Variants in SUSD4 observed in about 807,000 individuals in gnomAD.
SUSD4 encodes sushi domain containing 4, also known as sushi domain-containing protein 4.
A neutral mutation model predicts 50.5 loss-of-function variants in SUSD4; 41 were observed. That is an observed-to-expected ratio of 0.81 (90% CI 0.63 to 1.05). The LOEUF is 1.05. Among genes scored for constraint, SUSD4 ranks in the 50% least tolerant of loss-of-function variants. The pLI is 0.00. For missense variants in SUSD4, 580 were observed against 634.7 expected (o/e 0.91, Z 0.93); for synonymous variants, 257 against 257.3 (o/e 1.00, Z 0.01).
At position 223,332,207 on chromosome 1, in the gene SUSD4, C is replaced by A. The variant is rs1667214076; in HGVS notation, c.148+31071G>T. 6.6e-6 allele frequency among the ~76,000 whole-genome samples: 1 copy of A among 152,150 alleles called. No individual in the cohort carries two copies. Among genetic ancestry groups the A allele is most frequent in the South Asian group, 2.1e-4 (1 of 4,824 alleles). On this transcript the variant is annotated intron_variant, in intron 2 of 8. Coordinates refer to ENST00000366878, the MANE Select transcript of SUSD4 (RefSeq NM_017982.4). The surrounding 1 kb of genome is among the most constrained non-coding windows in gnomAD (Gnocchi z 4.0). Reference sequence around the variant, plus strand: ...AATGCTCTGTGTAGCCATAAAATACCTAAGATGTGGTTCATAAAATATTTG... The same window carrying A: ...AATGCTCTGTGTAGCCATAAAATACATAAGATGTGGTTCATAAAATATTTG...
intron 2 of SUSD4, among the ~76,000 whole-genome samples, chr1:223,319,816 G>A (rs1187720881): frequency 2.0e-5 from 3 of 152,200 alleles, no homozygotes; most frequent in African/African-American, 7.2e-5. Context: ...GTAATGCTTA[G>A]GAGCATGCTT....
At chr1:223,277,715 G>A (rs1663381849) in intron 3 of SUSD4, among the ~76,000 whole-genome samples, 1 of 152,158 alleles carries the variant, frequency 6.6e-6, no homozygotes, top group Non-Finnish European at 1.5e-5. Context: ...TCAAGACACT[G>A]GTCTAATTCC....
At chr1:223,266,443 G>T (rs1189933805) in intron 4 of SUSD4, among the ~76,000 whole-genome samples, 1 of 152,218 alleles carries the variant, frequency 6.6e-6, no homozygotes, top group Non-Finnish European at 1.5e-5. Flanking sequence ...GTTCAAATGA[G>T]TTGGCACAAA....
In SUSD4 at chr1:223,305,714, C is replaced by T. The variant is rs1558234120; in HGVS notation, c.149-13063G>A. Among the ~76,000 whole-genome samples, 11 of 152,310 alleles carry T rather than the reference C, an allele frequency of 7.2e-5. No homozygotes were observed. In the South Asian group the frequency reaches 2.3e-3, roughly 32 times the overall value. ...CTAGTTAGTATAGTCATACTTCTGC[C>T]ATATAGCACGATATACTATTTATTA... is the stretch of plus-strand genomic sequence containing the variant. On this transcript the variant is annotated intron_variant, in intron 2 of 8. Coordinates refer to ENST00000366878, the MANE Select transcript of SUSD4 (RefSeq NM_017982.4).
At position 223,363,299 on chromosome 1, in the gene SUSD4, C is replaced by A; in HGVS notation, c.127G>T (p.Gly43Cys). ...TCACCGCCCGTGAGCTGTGCAGGGCCGAAGCACAGCGCCAGCTGAAACCAC... is the reference window on the plus strand; with the variant it reads ...TCACCGCCCGTGAGCTGTGCAGGGCAGAAGCACAGCGCCAGCTGAAACCAC... Reference protein sequence around the residue: ...ILWFQLALCFGPAQLTGGFDD... With the variant: ...ILWFQLALCFCPAQLTGGFDD... The change falls in exon 2 of 9, where the codon GGC (glycine) becomes TGC (cysteine). Residue 43 changes from glycine (G) to cysteine (C), a missense_variant. Gly to Cys is a radical substitution (Grantham distance 159). Coordinates refer to ENST00000366878, the MANE Select transcript of SUSD4 (RefSeq NM_017982.4). The A allele has an allele frequency of 6.2e-7, 1 of 1,607,998 alleles. No individual in the cohort carries two copies. The highest frequency in any genetic ancestry group is 8.5e-7 in the Non-Finnish European group (1 of 1,177,460).
At chr1:223,299,808 T>C (rs1665066883) in intron 2 of SUSD4, among the ~76,000 whole-genome samples, 1 of 152,178 alleles carries the variant, frequency 6.6e-6, no homozygotes, top group Non-Finnish European at 1.5e-5. Context: ...GACGTGGATC[T>C]TCTCCTGCCT....
intron 2 of SUSD4, among the ~76,000 whole-genome samples, chr1:223,299,157 A>G (rs1330245145): frequency 6.6e-6 from 1 of 152,238 alleles, no homozygotes; most frequent in African/African-American, 2.4e-5. Context: ...ATTTTTCTGA[A>G]GAGCTGTTCT....
intron 2 of SUSD4, among the ~76,000 whole-genome samples, chr1:223,337,376 T>C (rs1339989430): frequency 1.3e-5 from 2 of 152,240 alleles, no homozygotes; most frequent in Non-Finnish European, 2.9e-5. Flanking sequence ...AATGAATGAA[T>C]GAATGAACGG....
intron 2 of SUSD4, among the ~76,000 whole-genome samples, chr1:223,346,955 G>A (rs1668066271): frequency 6.6e-6 from 1 of 151,950 alleles, no homozygotes; most frequent in Non-Finnish European, 1.5e-5. Flanking sequence ...ACCCCCTGCA[G>A]TTCACTTCGT....
chr1:223,347,637 C>T (rs1390400351), intron 2 of SUSD4, among the ~76,000 whole-genome samples: 5 of 126,634 alleles, frequency 3.9e-5, no homozygotes, highest in African/African-American at 1.5e-4. Flanking sequence ...TTCATGCACG[C>T]ATTTAAGTGA....
intron 2 of SUSD4, among the ~76,000 whole-genome samples, chr1:223,342,036 C>T (rs968065327): frequency 6.6e-6 from 1 of 152,070 alleles, no homozygotes; most frequent in Non-Finnish European, 1.5e-5. Context: ...GACGAGTCTC[C>T]AAAAATAAAC....
At chr1:223,298,462 T>C (rs1312355767) in intron 2 of SUSD4, among the ~76,000 whole-genome samples, 1 of 152,186 alleles carries the variant, frequency 6.6e-6, no homozygotes, top group African/African-American at 2.4e-5. Flanking sequence ...TTCAGCCCTC[T>C]TCCTCCCTCT....
chr1:223,264,294 A>G (rs1662325299), intron 5 of SUSD4: 1 of 1,028,254 alleles, frequency 9.7e-7, no homozygotes, highest in South Asian at 4.2e-5. Flanking sequence ...AAGATTAATG[A>G]CATGATACAA....
intron 5 of SUSD4, among the ~76,000 whole-genome samples, chr1:223,253,857 C>T (rs1011352655): frequency 3.3e-5 from 5 of 152,198 alleles, no homozygotes; most frequent in African/African-American, 9.6e-5. Flanking sequence ...AGGTCCCACT[C>T]GTGGCATAAG....
At chr1:223,303,292 A>C (rs1572016231) in intron 2 of SUSD4, among the ~76,000 whole-genome samples, 1 of 152,242 alleles carries the variant, frequency 6.6e-6, no homozygotes, top group East Asian at 1.9e-4. Context: ...AAAGGGAAAG[A>C]GAGAAAATAA....
chr1:223,260,959 C>T (rs115718972), intron 5 of SUSD4, among the ~76,000 whole-genome samples: 2,192 of 152,284 alleles, frequency 0.014, 42 homozygotes, highest in African/African-American at 0.049. Flanking sequence ...CTCTCCACTC[C>T]GCTAGGGAGA....
intron 5 of SUSD4, among the ~76,000 whole-genome samples, chr1:223,234,609 G>C (rs1437615491): frequency 6.6e-6 from 1 of 152,184 alleles, no homozygotes; most frequent in Non-Finnish European, 1.5e-5. Context: ...TTGGCAATGA[G>C]CTGCAATATT....
intron 1 of SUSD4, 87 bp from the exon 2 acceptor site, chr1:223,363,547 C>A (rs980179933): frequency 1.9e-5 from 26 of 1,341,518 alleles, no homozygotes; most frequent in Non-Finnish European, 2.4e-5. Flanking sequence ...GGACCCGGCG[C>A]CTCGGCTTCC....
chr1:223,337,846 A>C (rs369267870), intron 2 of SUSD4, among the ~76,000 whole-genome samples: 1 of 152,206 alleles, frequency 6.6e-6, no homozygotes. Flanking sequence ...AGGCCAAAGC[A>C]CACCAAACCC....
Sources: gnomAD v4.1 joint callset for allele counts (sites outside exome capture counted in the v4.1 genomes callset) on GRCh38, gnomAD v4.1.1 for gene constraint, Gnocchi (gnomAD v3.1) non-coding constraint, MANE v1.5 for transcripts, NCBI Gene and HGNC (gene_info 2026-07-23, HGNC 2026-07-21) for gene names.